XRCC3: variants seen among roughly 807,000 people sequenced by gnomAD.
XRCC3 encodes the protein X-ray repair cross complementing 3.
A neutral mutation model predicts 29.2 loss-of-function variants in XRCC3; 34 were observed. That is an observed-to-expected ratio of 1.16 (90% CI 0.88 to 1.55). XRCC3 has a LOEUF of 1.55. Ranked by LOEUF, XRCC3 falls within the 40% of genes most tolerant of loss-of-function variation. The pLI is 0.00. For synonymous variants in XRCC3, 223 were observed against 211.3 expected (o/e 1.06, Z -0.48); for missense variants, 463 against 467.6 (o/e 0.99, Z 0.09).
chr14:103,699,804 G>A (rs2082978472), intron 7 of XRCC3: 2 of 587,672 alleles, frequency 3.4e-6, no homozygotes, highest in South Asian at 3.7e-5. Flanking sequence ...TTGGCCCCAT[G>A]TCCTTCCTCT....
chr14:103,698,863 A>C lies in XRCC3; in HGVS notation c.976T>G (p.Ser326Ala). 1 of 1,606,994 alleles carries C rather than the reference A, an allele frequency of 6.2e-7. No homozygotes were observed. The highest frequency in any genetic ancestry group is 8.5e-7 in the Non-Finnish European group (1 of 1,177,372). Residue 326 changes from serine to alanine, a missense_variant, in exon 10 of 10, where the codon TCC becomes GCC. Physicochemically the swap from Ser to Ala is moderately conservative, Grantham distance 99. Transcript: ENST00000555055. ...RVLSAPHLPP[S>A]SCSYTISAEG... ...GCACTGATCGTGTAGGAACAGGAGG[A>C]GGGGGGCAGGTGGGGGGCAGAGAGC...
chr14:103,704,532 G>C (rs1454257337), intron 6 of XRCC3: 1 of 152,232 alleles, frequency 6.6e-6, no homozygotes, highest in East Asian at 1.9e-4. Context: ...TCAGCCTTCT[G>C]AGTAGCTGGG....
At chr14:103,699,895 TGC>T (rs1044972400) in intron 7 of XRCC3, 9 of 403,888 alleles carry the variant, frequency 2.2e-5, no homozygotes, top group African/African-American at 1.8e-4. Context: ...CCTGAGTCCT[TGC>T]GGGGGTCTGC....
chr14:103,701,859 G>C (rs1024081587), intron 7 of XRCC3: 1 of 146,846 alleles, frequency 6.8e-6, no homozygotes, highest in African/African-American at 2.5e-5. Flanking sequence ...GGGCGACAGA[G>C]CGAGACTGTC....
intron 7 of XRCC3, chr14:103,700,484 C>T (rs1360411769): frequency 3.6e-6 from 2 of 551,994 alleles, no homozygotes; most frequent in Admixed American, 7.1e-5. Flanking sequence ...TAGTTCAGGC[C>T]CCACGGGCCT....
chr14:103,715,224 C>G (rs2083773530), intron 1 of XRCC3, among the ~76,000 whole-genome samples, 200 bp downstream of exon 1: 1 of 152,064 alleles, frequency 6.6e-6, no homozygotes, highest in Non-Finnish European at 1.5e-5. Flanking sequence ...CTGAACGCTA[C>G]CCGAGCTGCG....
chr14:103,714,497 C>T (rs1324800761), intron 1 of XRCC3, among the ~76,000 whole-genome samples: 2 of 151,456 alleles, frequency 1.3e-5, no homozygotes, highest in Non-Finnish European at 2.9e-5. Flanking sequence ...AAATAGCTGG[C>T]CAGTGTAGTG....
chr14:103,715,039 C>T (rs539086129), intron 1 of XRCC3, among the ~76,000 whole-genome samples: 36 of 152,346 alleles, frequency 2.4e-4, no homozygotes, highest in African/African-American at 7.7e-4. Flanking sequence ...ACCTCTCCCA[C>T]TTCGATGCGA....
chr14:103,701,367 C>A, intron 7 of XRCC3: 1 of 700,842 alleles, frequency 1.4e-6, no homozygotes, highest in Non-Finnish European at 2.3e-6. Flanking sequence ...ACACGGCTGG[C>A]GTGACCTTGG....
intron 1 of XRCC3, among the ~76,000 whole-genome samples, chr14:103,714,466 G>GA (rs551539800): frequency 0.013 from 1,247 of 97,732 alleles, 24 homozygotes; most frequent in African/African-American, 0.036. Flanking sequence ...ACTCTCTACC[G>GA]AAAAAAAAAA....
At chr14:103,699,810 C>T (rs2082979265) in intron 7 of XRCC3, 8 of 576,156 alleles carry the variant, frequency 1.4e-5, no homozygotes, top group South Asian at 1.3e-4. Flanking sequence ...CCATGTCCTT[C>T]CTCTGGCCCC....
At chr14:103,704,328 AG>A (rs2083356208) in intron 6 of XRCC3, 2 of 152,228 alleles carry the variant, frequency 1.3e-5, no homozygotes, top group Admixed American at 1.3e-4. Flanking sequence ...TTTTGGGGTG[AG>A]GGAACTGTTC....
chr14:103,706,964 C>T (rs967736666), intron 6 of XRCC3, 39 bp downstream of exon 6: 4 of 1,533,850 alleles, frequency 2.6e-6, no homozygotes, highest in Non-Finnish European at 3.5e-6. Flanking sequence ...GCAGGGGCCG[C>T]CCACCTGCCC....
At position 103,697,729 on chromosome 14, in the gene XRCC3, T is replaced by G. The variant is rs951675055; in HGVS notation, c.*1069A>C. The G allele has an allele frequency of 6.6e-6, 1 of 152,296 alleles. No individual in the cohort carries two copies. Among genetic ancestry groups the G allele is most frequent in the Non-Finnish European group, 1.5e-5 (1 of 68,108 alleles). 9.4% of individuals were successfully genotyped at this position (152,296 alleles called of 1,614,324 possible). Reference sequence around the variant, plus strand: ...CGGTGGGAATCAAGGGGGTCACCACTGTGCCCATGGGGAGGCCACGCCACT... The same window carrying G: ...CGGTGGGAATCAAGGGGGTCACCACGGTGCCCATGGGGAGGCCACGCCACT... On this transcript the variant is annotated 3_prime_UTR_variant, in exon 10 of 10. Coordinates refer to ENST00000555055, the MANE Select transcript of XRCC3 (RefSeq NM_005432.4).
At chr14:103,708,910 TG>T in intron 4 of XRCC3, 1 of 495,472 alleles carries the variant, frequency 2.0e-6, no homozygotes, top group Non-Finnish European at 3.7e-6. Flanking sequence ...ACCAGCCTCG[TG>T]AGCTGGGGCA....
At chr14:103,701,282 G>A in intron 7 of XRCC3, 4 of 1,480,944 alleles carry the variant, frequency 2.7e-6, no homozygotes, top group Non-Finnish European at 3.7e-6. Flanking sequence ...GCGGCAGGGA[G>A]GGCCCCTGGC....
intron 5 of XRCC3, chr14:103,707,484 G>A: frequency 1.8e-6 from 1 of 549,670 alleles, no homozygotes; most frequent in South Asian, 2.0e-5. Context: ...TGCAGCACCA[G>A]ACGCCTTCAG....
chr14:103,711,320 C>T, intron 3 of XRCC3, 75 bp from the exon 4 acceptor site: 1 of 679,200 alleles, frequency 1.5e-6, no homozygotes, highest in Non-Finnish European at 2.7e-6. Context: ...TGTCATTTAC[C>T]TCTAAGAATT....
intron 7 of XRCC3, chr14:103,700,084 C>T (rs1567049775): frequency 4.5e-6 from 1 of 221,558 alleles, no homozygotes; most frequent in Non-Finnish European, 9.1e-6. Context: ...GGCCTGATGC[C>T]CTTCAGGCGT....
Sources: gnomAD v4.1 joint callset for allele counts (sites outside exome capture counted in the v4.1 genomes callset) on GRCh38, gnomAD v4.1.1 for gene constraint, MANE v1.5 for transcripts, NCBI Gene and HGNC (gene_info 2026-07-23, HGNC 2026-07-21) for gene names.